CFDP1: variants seen among roughly 807,000 people sequenced by gnomAD.
CFDP1 encodes heterochromatin-stabilizing protein CFDP1.
A neutral mutation model predicts 40.1 loss-of-function variants in CFDP1; 31 were observed. The observed-to-expected ratio is 0.77, with a 90% CI of 0.58 to 1.04. CFDP1 has a LOEUF of 1.04. Ranked by LOEUF, CFDP1 falls within the 50% of genes least tolerant of loss-of-function variation. The pLI is 0.00. For missense variants in CFDP1, 423 were observed against 343.4 expected (o/e 1.23, Z -1.83); for synonymous variants, 167 against 120.0 (o/e 1.39, Z -2.56).
intron 1 of CFDP1, among the ~76,000 whole-genome samples, chr16:75,424,412 C>G (rs569248995): frequency 2.7e-4 from 41 of 152,346 alleles, no homozygotes; most frequent in African/African-American, 8.7e-4. Flanking sequence ...AAACCTATAG[C>G]TAACACCACA....
At chr16:75,430,780 T>G (rs895395786) in intron 1 of CFDP1, among the ~76,000 whole-genome samples, 1 of 152,170 alleles carries the variant, frequency 6.6e-6, no homozygotes, top group Non-Finnish European at 1.5e-5. Context: ...AGTTTTATCA[T>G]ACAGATGAAG....
At chr16:75,364,732 T>C (rs575795070) in intron 5 of CFDP1, among the ~76,000 whole-genome samples, 3 of 152,360 alleles carry the variant, frequency 2.0e-5, no homozygotes, top group Admixed American at 2.0e-4. Context: ...TAACATGTAA[T>C]GAGTTTACCA....
At chr16:75,338,372 G>A (rs2078504462) in intron 5 of CFDP1, among the ~76,000 whole-genome samples, 1 of 152,178 alleles carries the variant, frequency 6.6e-6, no homozygotes, top group Non-Finnish European at 1.5e-5. Flanking sequence ...AGGAACCAAT[G>A]GGTTCTAGTG....
intron 5 of CFDP1, among the ~76,000 whole-genome samples, chr16:75,331,010 G>A (rs1276681873): frequency 6.6e-6 from 1 of 151,226 alleles, no homozygotes; most frequent in African/African-American, 2.4e-5. Flanking sequence ...TATTCACCAG[G>A]GCTACCTCAA....
intron 5 of CFDP1, among the ~76,000 whole-genome samples, chr16:75,334,075 C>T (rs1395866130): frequency 6.6e-6 from 1 of 152,008 alleles, no homozygotes; most frequent in East Asian, 1.9e-4. Context: ...GAATGTTCTG[C>T]CAGAGCCTCT....
chr16:75,412,515 T>C lies in CFDP1; in HGVS notation c.402+20A>G. 8.8e-6 allele frequency: 14 copies of C among 1,582,872 alleles called. No homozygotes were observed. The highest frequency in any genetic ancestry group is 1.2e-5 in the Non-Finnish European group (14 of 1,151,596). On this transcript the variant is annotated intron_variant, in intron 3 of 6. Coordinates refer to ENST00000283882, the MANE Select transcript of CFDP1 (RefSeq NM_006324.3). Reference sequence around the variant, plus strand: ...GGGTATTTCTGGAGAGGCATTCACCTCACTAATGTCTCAACTTACCTTAAC... The same window carrying C: ...GGGTATTTCTGGAGAGGCATTCACCCCACTAATGTCTCAACTTACCTTAAC...
At chr16:75,378,062 T>G (rs1395514903) in intron 5 of CFDP1, among the ~76,000 whole-genome samples, 1 of 152,162 alleles carries the variant, frequency 6.6e-6, no homozygotes. Context: ...CAAAGTTAAG[T>G]GCAGGAAAGG....
intron 5 of CFDP1, among the ~76,000 whole-genome samples, chr16:75,326,676 G>A (rs768916486): frequency 2.6e-4 from 39 of 152,160 alleles, no homozygotes; most frequent in Non-Finnish European, 4.8e-4. Context: ...TGGTAAGAAC[G>A]TCAGGGATAA....
intron 6 of CFDP1, among the ~76,000 whole-genome samples, chr16:75,299,576 A>C (rs8047811): frequency 0.85 from 128,412 of 150,522 alleles, 54,928 homozygotes; most frequent in Middle Eastern, 0.91. Context: ...GCCTGGGGAA[A>C]AGAGCGAGAC....
intron 1 of CFDP1, among the ~76,000 whole-genome samples, chr16:75,420,266 G>C (rs2079262973): frequency 1.3e-5 from 2 of 152,102 alleles, no homozygotes; most frequent in African/African-American, 2.4e-5. Flanking sequence ...TGATTTAATA[G>C]TCACCACTAT....
chr16:75,430,927 C>G (rs2079405982), intron 1 of CFDP1, among the ~76,000 whole-genome samples: 1 of 152,210 alleles, frequency 6.6e-6, no homozygotes, highest in Non-Finnish European at 1.5e-5. Flanking sequence ...CCAAAACAGT[C>G]TCTCAGGTTA....
In CFDP1 at chr16:75,377,415, A is replaced by G. The variant is rs374098128; in HGVS notation, c.650+17675T>C. ...GAGTCCACACAAATCTCTTCAATTT[A>G]TTGACCAATCACAATTAAGATGATA... On this transcript the variant is annotated intron_variant, in intron 5 of 6. Transcript: ENST00000283882. Among the ~76,000 whole-genome samples the G allele has an allele frequency of 1.3e-4, 20 of 152,340 alleles. 3 individuals are homozygous for G. The highest frequency in any genetic ancestry group is 6.5e-4 in the Admixed American group (10 of 15,300).
intron 5 of CFDP1, among the ~76,000 whole-genome samples, chr16:75,387,095 G>T (rs2078904357): frequency 6.6e-6 from 1 of 151,376 alleles, no homozygotes; most frequent in Admixed American, 6.6e-5. Flanking sequence ...AGCATCCACT[G>T]AAGAACATGA....
chr16:75,413,379 A>G (rs2079178904), intron 2 of CFDP1, among the ~76,000 whole-genome samples: 1 of 152,040 alleles, frequency 6.6e-6, no homozygotes, highest in African/African-American at 2.4e-5. Flanking sequence ...CTTTTACTTC[A>G]TATAAACTTT....
rs373602756 is a variant in CFDP1 at position 75,395,063 on chromosome 16, A to C, written c.650+27T>G. On this transcript the variant is annotated intron_variant, in intron 5 of 6. Transcript: ENST00000283882. ...AAAGCTTCTCCAACGTGCCAAGTAC[A>C]TCAGGGAGTGAGACTCAAATACTCA... is the stretch of plus-strand genomic sequence containing the variant. 85 of 1,612,986 alleles carry C rather than the reference A, an allele frequency of 5.3e-5. No individual in the cohort carries two copies. Among genetic ancestry groups the C allele is most frequent in the Non-Finnish European group, 6.6e-5 (78 of 1,179,420 alleles).
chr16:75,314,547 T>C (rs2078313067), intron 5 of CFDP1, among the ~76,000 whole-genome samples: 1 of 152,174 alleles, frequency 6.6e-6, no homozygotes, highest in Non-Finnish European at 1.5e-5. Flanking sequence ...TTTGGAGTAA[T>C]GAATATGTCC....
chr16:75,373,580 G>A (rs770803964), intron 5 of CFDP1, among the ~76,000 whole-genome samples: 22 of 152,082 alleles, frequency 1.4e-4, no homozygotes, highest in Non-Finnish European at 2.9e-4. Context: ...CAAAAGAGAG[G>A]CACAGTTTGA....
At chr16:75,348,295 C>A (rs1039300807) in intron 5 of CFDP1, among the ~76,000 whole-genome samples, 1 of 152,054 alleles carries the variant, frequency 6.6e-6, no homozygotes, top group Admixed American at 6.5e-5. Flanking sequence ...GCTTGGCTCC[C>A]AATGTTAATT....
chr16:75,298,602 C>T (rs560876961), intron 6 of CFDP1, among the ~76,000 whole-genome samples: 14 of 152,320 alleles, frequency 9.2e-5, no homozygotes, highest in African/African-American at 3.4e-4. Flanking sequence ...CGGCAGCACT[C>T]CGAGGCTAGA....
Sources: gnomAD v4.1 joint callset for allele counts (sites outside exome capture counted in the v4.1 genomes callset) on GRCh38, gnomAD v4.1.1 for gene constraint, MANE v1.5 for transcripts, NCBI Gene and HGNC (gene_info 2026-07-23, HGNC 2026-07-21) for gene names.